Variants in FBXL2 observed in about 807,000 individuals in gnomAD.
FBXL2 encodes the protein F-box and leucine rich repeat protein 2.
A neutral mutation model predicts 69.2 loss-of-function variants in FBXL2; 38 were observed. The ratio of observed to expected loss-of-function variants is 0.55; its 90% CI spans 0.42 to 0.72. The LOEUF is 0.72. Among genes scored for constraint, FBXL2 ranks in the 30% least tolerant of loss-of-function variants. The pLI is 0.00. For missense variants in FBXL2, 354 were observed against 520.3 expected (o/e 0.68, Z 3.11); for synonymous variants, 192 against 201.3 (o/e 0.95, Z 0.39).
intron 2 of FBXL2, among the ~76,000 whole-genome samples, chr3:33,318,711 C>T (rs1330761531): frequency 6.8e-6 from 1 of 147,522 alleles, no homozygotes; most frequent in East Asian, 2.0e-4. Flanking sequence ...GTGGCATATA[C>T]ATCTAATTTT....
chr3:33,342,589 C>T (rs1191910943), intron 2 of FBXL2, among the ~76,000 whole-genome samples: 3 of 151,166 alleles, frequency 2.0e-5, no homozygotes, highest in Non-Finnish European at 4.4e-5. Flanking sequence ...GTATTTATGA[C>T]GAAGAGTAAA....
chr3:33,400,179 A>G, intron 12 of FBXL2: 5 of 1,556,988 alleles, frequency 3.2e-6, no homozygotes, highest in East Asian at 2.3e-5. Context: ...ACACACACAC[A>G]TACACATACC....
At chr3:33,277,166 A>T, upstream of FBXL2, 1 of 289,092 alleles carries the variant, frequency 3.5e-6, no homozygotes. Context: ...ATCATGCATT[A>T]CCTGTATAAC....
At chr3:33,376,450 A>C (rs2042647545) in intron 10 of FBXL2, among the ~76,000 whole-genome samples, 1 of 152,224 alleles carries the variant, frequency 6.6e-6, no homozygotes, top group African/African-American at 2.4e-5. Flanking sequence ...TATCATTTAG[A>C]TATTTCTGCT....
At chr3:33,356,087 C>T (rs149388383) in intron 2 of FBXL2, among the ~76,000 whole-genome samples, 4 of 152,272 alleles carry the variant, frequency 2.6e-5, no homozygotes, top group Non-Finnish European at 5.9e-5. Context: ...ATTCCTGTTG[C>T]ACCTGTTGGT....
chr3:33,392,864 G>A (rs1483966953), downstream of FBXL2: 2 of 409,778 alleles, frequency 4.9e-6, no homozygotes, highest in Non-Finnish European at 8.6e-6. Flanking sequence ...CACATTCCCT[G>A]CCGGCTCCAG....
chr3:33,386,483 T>C lies in FBXL2; in HGVS notation c.*875T>C, dbSNP rs1247808650. ...TGAATGGATGCATGTAAAATGGATGTGATTTTTTTTCAAGCTTATTTTGAA... is the reference window on the plus strand; with the variant it reads ...TGAATGGATGCATGTAAAATGGATGCGATTTTTTTTCAAGCTTATTTTGAA... On this transcript the variant is annotated 3_prime_UTR_variant, in exon 15 of 15. Coordinates refer to ENST00000484457, the MANE Select transcript of FBXL2 (RefSeq NM_012157.5). The C allele has an allele frequency of 6.6e-5, 10 of 152,222 alleles. No individual in the cohort carries two copies. The highest frequency in any genetic ancestry group is 6.5e-5 in the Admixed American group (1 of 15,280). The allele number at this position is 152,222 out of a possible 1,614,324, so 9.4% of individuals were successfully genotyped here.
chr3:33,313,248 G>T (rs982490597), intron 2 of FBXL2, among the ~76,000 whole-genome samples: 1 of 151,302 alleles, frequency 6.6e-6, no homozygotes, highest in East Asian at 1.9e-4. Flanking sequence ...ATAATCTAAA[G>T]AATTCTTTTT....
chr3:33,359,171 T>G, intron 3 of FBXL2, 112 bp from the exon 4 acceptor site: 1 of 985,868 alleles, frequency 1.0e-6, no homozygotes, highest in Non-Finnish European at 1.5e-6. Flanking sequence ...TAACTTAATA[T>G]ACATCAAAAA....
the FBXL2 span, among the ~76,000 whole-genome samples, chr3:33,421,683 AGT>A: frequency 6.6e-6 from 1 of 152,260 alleles, no homozygotes; most frequent in Non-Finnish European, 1.5e-5. Context: ...CTACTGACAA[AGT>A]GAAGACTATA....
At chr3:33,306,564 C>T (rs1293939939) in intron 2 of FBXL2, among the ~76,000 whole-genome samples, 1 of 152,104 alleles carries the variant, frequency 6.6e-6, no homozygotes, top group African/African-American at 2.4e-5. Context: ...TCTGCAGGTC[C>T]CCTCTCCATA....
At chr3:33,383,508 GTATA>G (rs1190522158) in intron 13 of FBXL2, 1 of 188,796 alleles carries the variant, frequency 5.3e-6, no homozygotes, top group Admixed American at 5.3e-5. Context: ...AAGATGCTCA[GTATA>G]TCTCTGGGTC....
At chr3:33,297,568 T>C (rs949038675) in intron 1 of FBXL2, 96 bp from the exon 2 acceptor site, 1 of 691,362 alleles carries the variant, frequency 1.4e-6, no homozygotes, top group Non-Finnish European at 2.5e-6. Context: ...AGGACAATAA[T>C]TGGGGCCGTT....
intron 2 of FBXL2, among the ~76,000 whole-genome samples, chr3:33,312,158 A>T (rs1003069072): frequency 2.0e-5 from 3 of 151,600 alleles, no homozygotes; most frequent in African/African-American, 7.3e-5. Flanking sequence ...CTGAGCTCAA[A>T]CCATCCACCT....
intron 2 of FBXL2, among the ~76,000 whole-genome samples, chr3:33,301,506 C>A (rs1382568926): frequency 1.3e-5 from 2 of 152,166 alleles, no homozygotes; most frequent in African/African-American, 2.4e-5. Flanking sequence ...CACTTTGAAT[C>A]CACTCAGAAA....
intron 2 of FBXL2, 193 bp downstream of exon 2, chr3:33,297,918 A>G (rs2035887695): frequency 3.1e-6 from 2 of 635,738 alleles, no homozygotes; most frequent in African/African-American, 1.8e-5. Flanking sequence ...TCCAGAATGT[A>G]CTAAGTATGT....
chr3:33,372,765 A>C, intron 5 of FBXL2: 3 of 422,338 alleles, frequency 7.1e-6, no homozygotes, highest in East Asian at 4.7e-5. Flanking sequence ...GCAGGGAGCT[A>C]GGCCTCTATT....
intron 4 of FBXL2, chr3:33,364,319 A>T: frequency 2.9e-6 from 1 of 344,220 alleles, no homozygotes; most frequent in Non-Finnish European, 5.4e-6. Context: ...TGACCTGGGT[A>T]GGGAGGGCCT....
chr3:33,284,269 C>T (rs1184113066), intron 1 of FBXL2, among the ~76,000 whole-genome samples: 1 of 152,204 alleles, frequency 6.6e-6, no homozygotes, highest in African/African-American at 2.4e-5. Flanking sequence ...TCATTGGTTT[C>T]AAAGAACATC....
Sources: gnomAD v4.1 joint callset for allele counts (sites outside exome capture counted in the v4.1 genomes callset) on GRCh38, gnomAD v4.1.1 for gene constraint, MANE v1.5 for transcripts, NCBI Gene and HGNC (gene_info 2026-07-23, HGNC 2026-07-21) for gene names.